LEPR: variants seen among roughly 807,000 people sequenced by gnomAD.
LEPR encodes the protein leptin receptor.
LEPR carries 56 observed loss-of-function variants against 114.7 expected under a neutral mutation model. The observed-to-expected ratio is 0.49, with a 90% CI of 0.39 to 0.61. The LOEUF (loss-of-function observed/expected upper bound fraction) is 0.61, where lower values mean the gene tolerates loss of function less well. LEPR is among the 20% of genes least tolerant of loss of function. The pLI is 0.00. For missense variants in LEPR, 1,202 were observed against 1,352.9 expected, an observed-to-expected ratio of 0.89 and a Z score of 1.75; for synonymous variants, 443 against 461.4, an observed-to-expected ratio of 0.96 and a Z score of 0.51.
chr1:65,611,926 A>G (rs1420351796), intron 14 of LEPR, among the ~76,000 whole-genome samples: 1 of 152,180 alleles, frequency 6.6e-6, no homozygotes, highest in Admixed American at 6.5e-5. Context: ...ACAAAGCTCT[A>G]TGGGTTCTTT....
intron 2 of LEPR, among the ~76,000 whole-genome samples, chr1:65,535,638 A>G (rs1300550234): frequency 1.3e-5 from 2 of 152,094 alleles, no homozygotes; most frequent in East Asian, 1.9e-4. Context: ...GGTGTGGACC[A>G]TCGTGCCAGG....
chr1:65,609,113 C>A (rs984002423), intron 12 of LEPR, among the ~76,000 whole-genome samples: 8 of 152,128 alleles, frequency 5.3e-5, no homozygotes, highest in Admixed American at 1.3e-4. Context: ...TTTTATAGAA[C>A]GTTGGTTGCA....
Position 65,621,473 on chromosome 1 carries a change from G to A in LEPR, c.2597+15G>A, listed in dbSNP as rs6693573. On this transcript the variant is annotated intron_variant, in intron 18 of 19. Transcript: ENST00000349533. ...TCACACCAAAGGTATTGTACTTGAG[G>A]TTAAGAATCTTTACGGCAAAAGTCC... 1.1e-5 allele frequency: 18 copies of A among 1,605,318 alleles called. No homozygotes were observed. In the South Asian group the frequency reaches 1.8e-4, roughly 16 times the overall value.
intron 2 of LEPR, among the ~76,000 whole-genome samples, chr1:65,558,082 A>G (rs1211809273): frequency 6.6e-6 from 1 of 152,232 alleles, no homozygotes; most frequent in Non-Finnish European, 1.5e-5. Flanking sequence ...AGTAAGTTTC[A>G]TCAAAGCAAT....
chr1:65,522,810 C>T (rs1171279), intron 2 of LEPR, among the ~76,000 whole-genome samples: 56,991 of 150,054 alleles, frequency 0.38, 13,133 homozygotes, highest in African/African-American at 0.64. Context: ...CATTAATTTC[C>T]TTTTCACATC....
rs151169663 is a variant in LEPR, at chr1:65,611,413, G to A, written c.1995+1117G>A. On this transcript the variant is annotated intron_variant, in intron 14 of 19. Transcript: ENST00000349533. ...TGAATAAGAAACAAGAGTCTTGCCC[G>A]ACAGATTATTTTTCTCATATTTTTG... Among the ~76,000 whole-genome samples the A allele has an allele frequency of 5.8e-3, 883 of 152,228 alleles. 8 individuals are homozygous for A. Among genetic ancestry groups the A allele is most frequent in the Admixed American group, 9.5e-3 (145 of 15,288 alleles).
At chr1:65,456,042 T>C (rs2100352442) in intron 2 of LEPR, among the ~76,000 whole-genome samples, 1 of 152,268 alleles carries the variant, frequency 6.6e-6, no homozygotes, top group South Asian at 2.1e-4. Context: ...GTGACCCGAT[T>C]TTCCAGGTGC....
At chr1:65,570,004 A>G (rs1431340347) in intron 3 of LEPR, among the ~76,000 whole-genome samples, 1 of 152,168 alleles carries the variant, frequency 6.6e-6, no homozygotes, top group Non-Finnish European at 1.5e-5. Context: ...AAGCAGTGTT[A>G]ATATTTTGGT....
chr1:65,548,675 G>A (rs761525657), intron 2 of LEPR, among the ~76,000 whole-genome samples: 21 of 151,836 alleles, frequency 1.4e-4, no homozygotes, highest in East Asian at 3.9e-4. Flanking sequence ...ATCCTCCTCC[G>A]TCCTTTTATT....
In LEPR at chr1:65,583,227, G is replaced by A. The variant is rs1655108088; in HGVS notation, c.495-9430G>A. 2.0e-5 allele frequency among the ~76,000 whole-genome samples: 3 copies of A among 152,164 alleles called. No homozygotes were observed. The South Asian group carries it at 6.2e-4, about 32-fold the overall frequency. ...AATCTTGCAGAGATAAGAGTTCAGA[G>A]AGGGTAAGGGGCTCAAGTTCATGGG... is the stretch of plus-strand genomic sequence containing the variant. On this transcript the variant is annotated intron_variant, in intron 5 of 19. Coordinates refer to ENST00000349533, the MANE Select transcript of LEPR (RefSeq NM_002303.6).
chr1:65,507,025 G>A (rs1264867076), intron 2 of LEPR, among the ~76,000 whole-genome samples: 1 of 152,092 alleles, frequency 6.6e-6, no homozygotes, highest in Non-Finnish European at 1.5e-5. Flanking sequence ...CCACATAAAA[G>A]TGGGGTATTT....
In LEPR at chr1:65,420,672, T is replaced by C. The variant is rs995016119; in HGVS notation, c.-165T>C. The C allele has an allele frequency of 1.3e-5, 20 of 1,559,102 alleles. No homozygotes were observed. In the African/African-American group the frequency reaches 1.4e-4, roughly 11 times the overall value. The stretch of plus-strand genomic sequence containing the variant: ...GACTCCCGGTCTGGCTTGGGCAGGC[T>C]GCCCGGGCCGTGGCAGGAAGCCGGA... On this transcript the variant is annotated 5_prime_UTR_variant, in exon 1 of 20. Transcript: ENST00000349533.
chr1:65,512,050 G>A (rs1649061147), intron 2 of LEPR, among the ~76,000 whole-genome samples: 1 of 152,174 alleles, frequency 6.6e-6, no homozygotes, highest in African/African-American at 2.4e-5. Context: ...CGGGGAGCAA[G>A]CTGTTTCACA....
At chr1:65,540,625 C>T (rs1303678076) in intron 2 of LEPR, among the ~76,000 whole-genome samples, 1 of 152,124 alleles carries the variant, frequency 6.6e-6, no homozygotes, top group Non-Finnish European at 1.5e-5. Flanking sequence ...GGACCATGAA[C>T]CAAAATAAAA....
rs1656073338 is a variant in LEPR at position 65,596,492 on chromosome 1, G to A, written c.748G>A (p.Asp250Asn). ...PLGLHMEITD[D>N]GNLKISWSSP... ...AGGTTTGCATATGGAAATCACAGAT[G>A]ATGGTAATTTAAAGATTTCTTGGTC... The change falls in exon 7 of 20, where the codon GAT (aspartate) becomes AAT (asparagine). Residue 250 changes from aspartate to asparagine, a missense_variant. Asp to Asn is a conservative substitution (Grantham distance 23). Coordinates refer to ENST00000349533, the MANE Select transcript of LEPR (RefSeq NM_002303.6). The A allele has an allele frequency of 6.2e-7, 1 of 1,612,730 alleles. No individual in the cohort carries two copies. The highest frequency in any genetic ancestry group is 1.3e-5 in the African/African-American group (1 of 74,836).
At chr1:65,603,783 G>A (rs561723541) in intron 10 of LEPR, among the ~76,000 whole-genome samples, 4 of 151,684 alleles carry the variant, frequency 2.6e-5, no homozygotes, top group Admixed American at 6.6e-5. Flanking sequence ...GTGTGGCCTA[G>A]GGAAGCCAAA....
At position 65,636,833 on chromosome 1, in the gene LEPR, GC is replaced by G; in HGVS notation, c.3321del (p.Cys1108ValfsTer17). On this transcript the variant is annotated frameshift_variant, in exon 20 of 20. Coordinates refer to ENST00000349533, the MANE Select transcript of LEPR (RefSeq NM_002303.6). LOFTEE classifies it high-confidence loss of function. ...GTCAAGGGTATCGTGCCCATTCCCA[GC>G]CCCCTGTTTATTCACGGACATCAGA... Reference protein sequence around the residue: ...DKSRVSCPFPAPCLFTDIRVL... With the variant: ...DKSRVSCPFPXPCLFTDIRVL... 1 of 1,613,230 alleles carries G rather than the reference GC, an allele frequency of 6.2e-7. No individual in the cohort carries two copies. The highest frequency in any genetic ancestry group is 8.5e-7 in the Non-Finnish European group (1 of 1,179,728).
Position 65,469,090 on chromosome 1 carries a change from C to T in LEPR, c.-21+43712C>T, listed in dbSNP as rs145791805. 2.0e-5 allele frequency among the ~76,000 whole-genome samples: 3 copies of T among 152,128 alleles called. No individual in the cohort carries two copies. The East Asian group carries it at 5.8e-4, about 29-fold the overall frequency. On this transcript the variant is annotated intron_variant, in intron 2 of 19. Transcript: ENST00000349533. ...AGTTTTTATTAATCATCATGTATGC[C>T]CAATCTGTGTTGAAGGAAATGTGTC...
rs142289786 is a variant in LEPR, at chr1:65,586,639, T to G, written c.495-6018T>G. ...AGTCTTTTTTTTTTTTAATTGAAAA[T>G]GTAAGTAACCATTCTTAGCTCACAG... On this transcript the variant is annotated intron_variant, in intron 5 of 19. Coordinates refer to ENST00000349533, the MANE Select transcript of LEPR (RefSeq NM_002303.6). Among the ~76,000 whole-genome samples, 1,348 of 151,896 alleles carry G rather than the reference T, an allele frequency of 8.9e-3. 25 individuals are homozygous for G. Among genetic ancestry groups the G allele is most frequent in the African/African-American group, 0.03 (1,262 of 41,466 alleles).
Sources: gnomAD v4.1 joint callset for allele counts (sites outside exome capture counted in the v4.1 genomes callset) on GRCh38, gnomAD v4.1.1 for gene constraint, MANE v1.5 for transcripts, NCBI Gene and HGNC (gene_info 2026-07-23, HGNC 2026-07-21) for gene names.